The following GLIS3 variants were observed in gnomAD, a reference collection of about 807,000 sequenced individuals.
GLIS3 encodes the protein GLIS family zinc finger 3.
Under a neutral mutation model 78.6 loss-of-function variants are expected in GLIS3, and 53 were observed. The observed-to-expected ratio is 0.67, with a 90% CI of 0.54 to 0.85. The LOEUF is 0.85. GLIS3 is among the 40% of genes least tolerant of loss of function. The pLI, the probability that GLIS3 is intolerant of heterozygous loss-of-function variation, is 0.00. For missense variants in GLIS3, 1,703 were observed against 1,231.1 expected, an observed-to-expected ratio of 1.38 and a Z score of -5.74; for synonymous variants, 684 against 509.9, an observed-to-expected ratio of 1.34 and a Z score of -4.60.
At chr9:4,443,121 G>A in the GLIS3 span, among the ~76,000 whole-genome samples, 497 of 152,114 alleles carry the variant, frequency 3.3e-3, 3 homozygotes, top group South Asian at 0.011. Flanking sequence ...GTCCCATTCC[G>A]GTACTAGCTT....
chr9:4,063,448 G>A (rs1361542846), intron 4 of GLIS3, among the ~76,000 whole-genome samples: 1 of 151,650 alleles, frequency 6.6e-6, no homozygotes, highest in Non-Finnish European at 1.5e-5. Flanking sequence ...TTAAACATCT[G>A]AAAAATCTAT....
At chr9:4,468,543 T>C in the GLIS3 span, among the ~76,000 whole-genome samples, 1 of 152,118 alleles carries the variant, frequency 6.6e-6, no homozygotes, top group Non-Finnish European at 1.5e-5. Context: ...CTAAACTTCG[T>C]AAGTGAAGGA....
chr9:4,314,298 T>G (rs1331831248), intron 2 of GLIS3, among the ~76,000 whole-genome samples: 1 of 152,248 alleles, frequency 6.6e-6, no homozygotes, highest in African/African-American at 2.4e-5. Context: ...TGACTTCCAG[T>G]CCAGTGCTCT....
At chr9:4,179,470 A>T (rs1817104369) in intron 2 of GLIS3, among the ~76,000 whole-genome samples, 2 of 152,174 alleles carry the variant, frequency 1.3e-5, no homozygotes, top group Admixed American at 1.3e-4. Flanking sequence ...GGTATTATTA[A>T]TAACATCCCT....
intron 4 of GLIS3, among the ~76,000 whole-genome samples, chr9:4,079,744 GAA>G (rs557862210): frequency 9.8e-5 from 12 of 123,042 alleles, no homozygotes; most frequent in Middle Eastern, 4.2e-3. Context: ...AGATGGATGT[GAA>G]AAAAAAAAAA....
Position 4,066,524 on chromosome 9 carries a change from G to A in GLIS3, c.1710+51244C>T, listed in dbSNP as rs374077207. On this transcript the variant is annotated intron_variant, in intron 4 of 10. Coordinates refer to ENST00000381971, the MANE Select transcript of GLIS3 (RefSeq NM_001042413.2). The stretch of plus-strand genomic sequence containing the variant: ...CCCACTTCTCTCCCTACTACTCTAG[G>A]CTGCTGGATTTCTGACCAGGTAATG... 4.3e-4 allele frequency among the ~76,000 whole-genome samples: 65 copies of A among 152,298 alleles called. No homozygotes were observed. In the South Asian group the frequency reaches 0.013, roughly 31 times the overall value.
At chr9:3,919,471 T>C (rs1824727870) in intron 6 of GLIS3, among the ~76,000 whole-genome samples, 1 of 151,992 alleles carries the variant, frequency 6.6e-6, no homozygotes, top group African/African-American at 2.4e-5. Flanking sequence ...CAACACACAC[T>C]GGGGCCTGTT....
the GLIS3 span, among the ~76,000 whole-genome samples, chr9:4,363,519 A>T: frequency 6.6e-6 from 1 of 152,252 alleles, no homozygotes; most frequent in Non-Finnish European, 1.5e-5. Context: ...AAGCAATTAA[A>T]CTTCAAACAT....
Position 3,978,907 on chromosome 9 carries a change from A to T in GLIS3, c.1711-41718T>A, listed in dbSNP as rs577654666. On this transcript the variant is annotated intron_variant, in intron 4 of 10. Transcript: ENST00000381971. Reference sequence around the variant, plus strand: ...AAATACAACGATAAAAATAATACAAATAAAAAATACAGTATAACAACTATT... The same window carrying T: ...AAATACAACGATAAAAATAATACAATTAAAAAATACAGTATAACAACTATT... 1.4e-4 allele frequency among the ~76,000 whole-genome samples: 21 copies of T among 152,312 alleles called. No homozygotes were observed. In the South Asian group the frequency reaches 3.7e-3, roughly 27 times the overall value.
intron 4 of GLIS3, among the ~76,000 whole-genome samples, chr9:4,035,407 AG>A (rs998906966): frequency 1.3e-5 from 2 of 151,518 alleles, no homozygotes; most frequent in African/African-American, 4.9e-5. Flanking sequence ...TGACAACCCC[AG>A]AATATCCCAA....
At chr9:4,340,089 C>T (rs1431557549) in intron 2 of GLIS3, among the ~76,000 whole-genome samples, 1 of 151,668 alleles carries the variant, frequency 6.6e-6, no homozygotes, top group Non-Finnish European at 1.5e-5. Flanking sequence ...CACGGCTTGG[C>T]TTAGCATGAG....
upstream of GLIS3, among the ~76,000 whole-genome samples, chr9:4,350,821 G>GTT (rs1563942064): frequency 1.2e-4 from 18 of 152,140 alleles, no homozygotes; most frequent in South Asian, 2.1e-4. Context: ...TTTTGTTTTT[G>GTT]TTTGTTTTTG....
At chr9:4,291,982 T>C (rs778085167) in intron 1 of GLIS3, among the ~76,000 whole-genome samples, 2 of 152,048 alleles carry the variant, frequency 1.3e-5, no homozygotes, top group Non-Finnish European at 2.9e-5. Flanking sequence ...CTACCAAAAA[T>C]GGCAAGGGAG....
At chr9:3,903,652 C>G (rs752745665) in intron 6 of GLIS3, among the ~76,000 whole-genome samples, 1 of 152,120 alleles carries the variant, frequency 6.6e-6, no homozygotes, top group East Asian at 1.9e-4. Context: ...AGAAATACAA[C>G]AGCAATCAAA....
At chr9:4,119,879 C>A (rs956989408) in intron 3 of GLIS3, among the ~76,000 whole-genome samples, 8 of 152,158 alleles carry the variant, frequency 5.3e-5, no homozygotes, top group African/African-American at 1.9e-4. Flanking sequence ...ACTTCTTGAT[C>A]TTTTGGCTAA....
chr9:3,985,793 C>T (rs7850953), intron 4 of GLIS3, among the ~76,000 whole-genome samples: 3,306 of 152,294 alleles, frequency 0.022, 125 homozygotes, highest in African/African-American at 0.074. Flanking sequence ...AGGTCATCCA[C>T]GTTAGAAGCA....
the GLIS3 span, among the ~76,000 whole-genome samples, chr9:4,468,282 G>T: frequency 2.6e-5 from 4 of 152,116 alleles, no homozygotes; most frequent in African/African-American, 9.7e-5. Context: ...GAAATACAGA[G>T]AATGCCACAA....
At chr9:4,473,464 A>G in the GLIS3 span, among the ~76,000 whole-genome samples, 5 of 151,412 alleles carry the variant, frequency 3.3e-5, no homozygotes, top group African/African-American at 1.2e-4. Flanking sequence ...CAACAACAAA[A>G]AAAAAGGATC....
intron 2 of GLIS3, among the ~76,000 whole-genome samples, chr9:4,133,968 A>G (rs148019586): frequency 2.6e-5 from 4 of 152,312 alleles, no homozygotes; most frequent in African/African-American, 9.6e-5. Flanking sequence ...GCTATTTTAG[A>G]AAACAATGAT....
Sources: allele counts gnomAD v4.1 joint callset (sites outside exome capture counted in the v4.1 genomes callset), GRCh38; gene constraint gnomAD v4.1.1; transcripts MANE v1.5; gene names NCBI Gene and HGNC (gene_info 2026-07-23, HGNC 2026-07-21).